The following ITGA8 variants were observed in gnomAD, a reference collection of about 807,000 sequenced individuals.
ITGA8 encodes the protein integrin subunit alpha 8.
In ITGA8, 91 loss-of-function variants were observed where a neutral mutation model predicts 142.3. The ratio of observed to expected loss-of-function variants is 0.64; its 90% confidence interval spans 0.54 to 0.76. The LOEUF is 0.76. Among genes scored for constraint, ITGA8 ranks in the 30% least tolerant of loss-of-function variants. The pLI, the probability that ITGA8 is intolerant of heterozygous loss-of-function variation, is 0.00. For synonymous variants in ITGA8, 505 were observed against 485.2 expected, an observed-to-expected ratio of 1.04 and a Z score of -0.54; for missense variants, 1,406 against 1,327.7, an observed-to-expected ratio of 1.06 and a Z score of -0.92.
chr10:15,671,205 G>A (rs1040865176), intron 8 of ITGA8, among the ~76,000 whole-genome samples: 4 of 152,170 alleles, frequency 2.6e-5, no homozygotes, highest in African/African-American at 4.8e-5. Flanking sequence ...AGCAAGTAAG[G>A]TTGGGGTGTT....
At position 15,671,632 on chromosome 10, in the gene ITGA8, G is replaced by GAAA; in HGVS notation, c.817_818insTTT (p.Ala273delinsValSer). On this transcript the variant is annotated protein_altering_variant, in exon 8 of 30. Coordinates refer to ENST00000378076, the MANE Select transcript of ITGA8 (RefSeq NM_003638.3). ...CTGAGAATCCCCAGTAAACTCCCCA[G>GAAA]CAGCAACTGAGTATCCTGTTTTAAA... 6.2e-7 allele frequency: 1 copy of GAAA among 1,612,368 alleles called. No individual in the cohort carries two copies. Among genetic ancestry groups the GAAA allele is most frequent in the Non-Finnish European group, 8.5e-7 (1 of 1,178,676 alleles).
At chr10:15,684,574 T>C (rs979264636) in intron 3 of ITGA8, among the ~76,000 whole-genome samples, 1 of 152,090 alleles carries the variant, frequency 6.6e-6, no homozygotes. Flanking sequence ...AATCTTATTA[T>C]GTTGCTCCAA....
chr10:15,540,807 G>A (rs1833553545), intron 27 of ITGA8, among the ~76,000 whole-genome samples: 2 of 152,166 alleles, frequency 1.3e-5, no homozygotes, highest in Middle Eastern at 3.2e-3. Context: ...GGTATAGACA[G>A]GATGAAGGGA....
intron 15 of ITGA8, among the ~76,000 whole-genome samples, chr10:15,612,009 C>T (rs1242503827): frequency 6.6e-6 from 1 of 152,156 alleles, no homozygotes; most frequent in Admixed American, 6.5e-5. Flanking sequence ...AGTTTTAATA[C>T]TCATGAACAA....
At chr10:15,583,658 C>T (rs1235860965) in intron 23 of ITGA8, among the ~76,000 whole-genome samples, 1 of 151,872 alleles carries the variant, frequency 6.6e-6, no homozygotes, top group Non-Finnish European at 1.5e-5. Context: ...CGGAAAAAGG[C>T]AAAACTATAG....
intron 25 of ITGA8, among the ~76,000 whole-genome samples, chr10:15,565,578 T>G: frequency 9.7e-6 from 1 of 103,626 alleles, no homozygotes; most frequent in Non-Finnish European, 2.0e-5. Flanking sequence ...TCCTGATTTT[T>G]TTTTTTTTTT....
chr10:15,658,418 C>G (rs1430931355), intron 10 of ITGA8, among the ~76,000 whole-genome samples: 1 of 152,170 alleles, frequency 6.6e-6, no homozygotes, highest in African/African-American at 2.4e-5. Flanking sequence ...CACCGCCCAC[C>G]TCCCCCACCA....
chr10:15,695,037 C>A (rs1474334779), intron 2 of ITGA8, among the ~76,000 whole-genome samples: 1 of 152,062 alleles, frequency 6.6e-6, no homozygotes, highest in African/African-American at 2.4e-5. Flanking sequence ...CAGCTCTGAA[C>A]GGGACCTTCC....
At chr10:15,692,087 G>A (rs984060023) in intron 2 of ITGA8, among the ~76,000 whole-genome samples, 1 of 151,992 alleles carries the variant, frequency 6.6e-6, no homozygotes, top group African/African-American at 2.4e-5. Context: ...ACGGGTGCAT[G>A]CCACCATGCA....
intron 2 of ITGA8, among the ~76,000 whole-genome samples, chr10:15,699,452 T>C (rs920917377): frequency 1.3e-5 from 2 of 152,326 alleles, no homozygotes; most frequent in East Asian, 1.9e-4. Flanking sequence ...AGTGAATGTA[T>C]AGAAAAACAG....
intron 12 of ITGA8, among the ~76,000 whole-genome samples, chr10:15,645,477 C>T (rs1177412251): frequency 6.6e-6 from 1 of 152,174 alleles, no homozygotes; most frequent in Non-Finnish European, 1.5e-5. Flanking sequence ...AGCAGCTTTA[C>T]AGAGTAGCAA....
At chr10:15,568,908 T>C (rs745485974) in intron 25 of ITGA8, among the ~76,000 whole-genome samples, 2 of 152,226 alleles carry the variant, frequency 1.3e-5, no homozygotes, top group Non-Finnish European at 2.9e-5. Context: ...ATGTGGGAAC[T>C]TGCAGGGATT....
At chr10:15,534,307 A>T (rs1014881003) in intron 27 of ITGA8, among the ~76,000 whole-genome samples, 2 of 152,170 alleles carry the variant, frequency 1.3e-5, no homozygotes, top group Admixed American at 6.5e-5. Context: ...CTGAGATGAG[A>T]CTGTATCTGA....
At position 15,719,600 on chromosome 10, in the gene ITGA8, C is replaced by T. The variant is rs1835521846; in HGVS notation, c.172G>A (p.Gly58Ser). Residue 58 changes from glycine (G) to serine (S), a missense_variant, in exon 1 of 30, where the codon GGC becomes AGC. By Grantham distance (56) the Gly-to-Ser change is moderately conservative. Coordinates refer to ENST00000378076, the MANE Select transcript of ITGA8 (RefSeq NM_003638.3). ...GGTATGTGGAAGTCCACGGCGTAGC[C>T]GAAGTAGCTGCCCTTGGGGCCGCTG... ...VYSGPKGSYF[G>S]YAVDFHIPDA... 2 of 1,560,846 alleles carry T rather than the reference C, an allele frequency of 1.3e-6. No homozygotes were observed. Among genetic ancestry groups the T allele is most frequent in the East Asian group, 2.5e-5 (1 of 39,550 alleles).
chr10:15,533,620 A>G (rs1041708750), intron 27 of ITGA8, among the ~76,000 whole-genome samples: 13 of 152,354 alleles, frequency 8.5e-5, no homozygotes, highest in African/African-American at 2.6e-4. Context: ...TCCAAGTTCA[A>G]TAAAAAATTG....
intron 23 of ITGA8, among the ~76,000 whole-genome samples, chr10:15,581,579 C>T (rs1031656382): frequency 4.6e-5 from 7 of 152,096 alleles, no homozygotes; most frequent in Non-Finnish European, 7.4e-5. Flanking sequence ...CAGGTAATCT[C>T]GTGTGGGGAC....
chr10:15,678,819 A>G (rs1165471323), intron 4 of ITGA8, 36 bp from the exon 5 acceptor site: 1 of 1,345,508 alleles, frequency 7.4e-7, no homozygotes, highest in Non-Finnish European at 1.1e-6. Flanking sequence ...TTATAACGTT[A>G]TCATTCCTGA....
chr10:15,648,501 TTAA>T (rs1396000605), intron 11 of ITGA8, among the ~76,000 whole-genome samples: 1 of 150,100 alleles, frequency 6.7e-6, no homozygotes, highest in Non-Finnish European at 1.5e-5. Flanking sequence ...CAATACTATA[TTAA>T]TATACAATAT....
In ITGA8 at chr10:15,684,340, C is replaced by G. The variant is rs115766376; in HGVS notation, c.445-213G>C. Among the ~76,000 whole-genome samples, 1,017 of 149,636 alleles carry G rather than the reference C, an allele frequency of 6.8e-3. 8 individuals carry two copies. Among genetic ancestry groups the G allele is most frequent in the African/African-American group, 0.023 (953 of 40,918 alleles). The stretch of plus-strand genomic sequence containing the variant: ...CTGTAGAATTGGTGAAAATTAAATA[C>G]ATGCAAAAAAAAATGAGTTTTCTGA... On this transcript the variant is annotated intron_variant, in intron 3 of 29. Coordinates refer to ENST00000378076, the MANE Select transcript of ITGA8 (RefSeq NM_003638.3).
Sources: gnomAD v4.1 joint callset for allele counts (sites outside exome capture counted in the v4.1 genomes callset) on GRCh38, gnomAD v4.1.1 for gene constraint, MANE v1.5 for transcripts, NCBI Gene and HGNC (gene_info 2026-07-23, HGNC 2026-07-21) for gene names.